Variants in USP42 observed in about 807,000 individuals in gnomAD.
USP42 encodes the protein ubiquitin specific peptidase 42, also known as ubiquitin carboxyl-terminal hydrolase 42.
A neutral mutation model predicts 113.0 loss-of-function variants in USP42; 23 were observed. That is an observed-to-expected ratio of 0.20 (90% confidence interval 0.15 to 0.29). The LOEUF (loss-of-function observed/expected upper bound fraction) is 0.29. Among genes scored for constraint, USP42 ranks in the 10% least tolerant of loss-of-function variants. USP42 has a pLI of 1.00. For synonymous variants in USP42, 933 were observed against 699.0 expected, an observed-to-expected ratio of 1.33 and a Z score of -5.28; for missense variants, 2,174 against 1,779.8, an observed-to-expected ratio of 1.22 and a Z score of -3.99.
At chr7:6,116,786 C>T in intron 3 of USP42, 1 of 533,232 alleles carries the variant, frequency 1.9e-6, no homozygotes, top group African/African-American at 1.9e-5. Context: ...CATTTTCTCC[C>T]TTTCTCAGTC....
chr7:6,153,318 AG>A (rs920088440), intron 14 of USP42, among the ~76,000 whole-genome samples: 6 of 151,516 alleles, frequency 4.0e-5, no homozygotes, highest in African/African-American at 1.5e-4. Context: ...AAAAAAATAG[AG>A]GAATTGGAAG....
the USP42 span, among the ~76,000 whole-genome samples, chr7:6,092,593 A>G: frequency 6.6e-6 from 1 of 151,358 alleles, no homozygotes; most frequent in African/African-American, 2.5e-5. Flanking sequence ...CATCATGACA[A>G]TGTGTAATAA....
At position 6,145,411 on chromosome 7, in the gene USP42, G is replaced by A. The variant is rs1272220766; in HGVS notation, c.991-105G>A. 4 of 1,355,602 alleles carry A rather than the reference G, an allele frequency of 3.0e-6. No individual in the cohort carries two copies. The African/African-American group carries it at 5.8e-5, about 20-fold the overall frequency. 84.0% of individuals were successfully genotyped at this position (1,355,602 alleles called of 1,614,324 possible). A position where few individuals can be genotyped will look rare whatever the true frequency, so the allele number is the denominator to read the frequency against. On this transcript the variant is annotated intron_variant, in intron 9 of 17. Coordinates refer to ENST00000306177, the MANE Select transcript of USP42 (RefSeq NM_032172.3). Reference sequence around the variant, plus strand: ...TGCTAGAATATCACAGGGCTCAGGTGTTCTGTGGGTCTCCCCTCCTAGGAA... The same window carrying A: ...TGCTAGAATATCACAGGGCTCAGGTATTCTGTGGGTCTCCCCTCCTAGGAA...
At chr7:6,109,246 GAAA>G (rs557967440) in intron 1 of USP42, among the ~76,000 whole-genome samples, 1 of 150,412 alleles carries the variant, frequency 6.6e-6, no homozygotes, top group Admixed American at 6.6e-5. Flanking sequence ...AGGGACAAAA[GAAA>G]AAAAAACAAG....
chr7:6,135,215 T>C (rs1469556297), intron 3 of USP42, among the ~76,000 whole-genome samples: 1 of 152,214 alleles, frequency 6.6e-6, no homozygotes, highest in South Asian at 2.1e-4. Flanking sequence ...GCTTTCAAAT[T>C]TGAAAGAGTA....
the USP42 span, among the ~76,000 whole-genome samples, chr7:6,094,944 C>G: frequency 6.6e-6 from 1 of 150,990 alleles, no homozygotes; most frequent in East Asian, 1.9e-4. Context: ...CTTGCCACCA[C>G]ATCTGGCTAA....
At chr7:6,103,833 T>A (rs115172022), upstream of USP42, among the ~76,000 whole-genome samples, 979 of 150,368 alleles carry the variant, frequency 6.5e-3, 68 homozygotes, top group African/African-American at 0.023. Context: ...GAGGGGGAGC[T>A]GCTTGAGCCC....
intron 1 of USP42, among the ~76,000 whole-genome samples, chr7:6,105,332 G>C (rs1156430387): frequency 6.8e-6 from 1 of 148,146 alleles, no homozygotes; most frequent in Non-Finnish European, 1.5e-5. Context: ...TGGTTGCCAT[G>C]GACACTGCGC....
At chr7:6,103,979 G>A (rs1779105639), upstream of USP42, among the ~76,000 whole-genome samples, 1 of 151,448 alleles carries the variant, frequency 6.6e-6, no homozygotes, top group African/African-American at 2.5e-5. Flanking sequence ...AGCTGCTAGG[G>A]AGGCTAAGAC....
At chr7:6,083,800 T>C in the USP42 span, among the ~76,000 whole-genome samples, 1 of 150,862 alleles carries the variant, frequency 6.6e-6, no homozygotes, top group African/African-American at 2.5e-5. Flanking sequence ...TCCTCTTTTT[T>C]TCCCCTTCCT....
chr7:6,086,727 T>A, the USP42 span, among the ~76,000 whole-genome samples: 1 of 149,130 alleles, frequency 6.7e-6, no homozygotes, highest in African/African-American at 2.5e-5. Context: ...TTTTCCTTTT[T>A]CCTTTCCTTT....
At chr7:6,115,233 G>T in intron 2 of USP42, 90 bp from the exon 3 acceptor site, 1 of 1,312,202 alleles carries the variant, frequency 7.6e-7, no homozygotes, top group Non-Finnish European at 1.1e-6. Context: ...TTCGGATCTT[G>T]TAAAGATTGA....
chr7:6,092,079 T>TTCC, the USP42 span, among the ~76,000 whole-genome samples: 1,786 of 37,666 alleles, frequency 0.047, 495 homozygotes, highest in Non-Finnish European at 0.066. Context: ...CTTCTTCCTC[T>TTCC]TCCTCTTCTT....
rs751362278 is a variant in USP42, at chr7:6,154,064, G to T, written c.2510G>T (p.Gly837Val). 1 of 1,606,046 alleles carries T rather than the reference G, an allele frequency of 6.2e-7. No homozygotes were observed. Among genetic ancestry groups the T allele is most frequent in the South Asian group, 1.1e-5 (1 of 91,038 alleles). The change falls in exon 15 of 18, where the codon GGG becomes GTG. Residue 837 changes from glycine (G) to valine (V), a missense_variant. Physicochemically the swap from Gly to Val is moderately radical, Grantham distance 109 (BLOSUM62 -3). Coordinates refer to ENST00000306177, the MANE Select transcript of USP42 (RefSeq NM_032172.3). ...AGCCCGTTGTCCCAGGACGCAAAGG[G>T]GATGATCGCGGAGGGCCCGCGGGAC... ...DASPLSQDAKGMIAEGPRDSA... is the reference protein window; with the variant it reads ...DASPLSQDAKVMIAEGPRDSA...
intron 3 of USP42, among the ~76,000 whole-genome samples, chr7:6,134,705 C>CA (rs1420808867): frequency 1.3e-5 from 2 of 152,270 alleles, no homozygotes; most frequent in African/African-American, 4.8e-5. Flanking sequence ...AGAAAGTTGT[C>CA]AAAAAAGATA....
upstream of USP42, among the ~76,000 whole-genome samples, chr7:6,103,912 A>G (rs935236602): frequency 1.3e-5 from 2 of 150,798 alleles, no homozygotes; most frequent in African/African-American, 5.0e-5. Context: ...CACACCAAAA[A>G]CAAACAAACA....
At chr7:6,111,028 T>G in intron 1 of USP42, 97 bp from the exon 2 acceptor site, 1 of 1,309,420 alleles carries the variant, frequency 7.6e-7, no homozygotes, top group Non-Finnish European at 1.0e-6. Flanking sequence ...AAAATCACTT[T>G]AAAATGGCTG....
intron 3 of USP42, among the ~76,000 whole-genome samples, chr7:6,127,895 T>C (rs1161023753): frequency 1.3e-5 from 2 of 152,226 alleles, no homozygotes; most frequent in Admixed American, 6.6e-5. Flanking sequence ...TCTTTATTAA[T>C]GTAACCATTC....
At chr7:6,122,404 C>G (rs1046730752) in intron 3 of USP42, among the ~76,000 whole-genome samples, 3 of 151,824 alleles carry the variant, frequency 2.0e-5, no homozygotes, top group African/African-American at 7.3e-5. Context: ...TCCCACCTCA[C>G]CTTCCCAAGT....
Sources: gnomAD v4.1 joint callset for allele counts (sites outside exome capture counted in the v4.1 genomes callset) on GRCh38, gnomAD v4.1.1 for gene constraint, MANE v1.5 for transcripts, NCBI Gene and HGNC (gene_info 2026-07-23, HGNC 2026-07-21) for gene names.